The following CLMP variants were observed in gnomAD, a reference collection of about 807,000 sequenced individuals.
CLMP encodes CXADR like cell adhesion molecule.
CLMP carries 27 observed loss-of-function variants against 45.2 expected under a neutral mutation model. The observed-to-expected ratio is 0.60, with a 90% CI of 0.44 to 0.82. CLMP has a LOEUF of 0.82. CLMP is among the 40% of genes least tolerant of loss of function. The pLI is 0.00. For synonymous variants in CLMP, 167 were observed against 171.4 expected, an observed-to-expected ratio of 0.97 and a Z score of 0.20; for missense variants, 403 against 448.4, an observed-to-expected ratio of 0.90 and a Z score of 0.91.
intron 1 of CLMP, among the ~76,000 whole-genome samples, chr11:123,142,770 G>T (rs111303651): frequency 0.15 from 21,270 of 138,722 alleles, 1,936 homozygotes; most frequent in African/African-American, 0.17. Flanking sequence ...GGGACTACAG[G>T]CGCCCGCCAC....
At position 123,150,887 on chromosome 11, in the gene CLMP, G is replaced by A. The variant is rs569787445; in HGVS notation, c.28+44026C>T. Among the ~76,000 whole-genome samples, 41 of 152,204 alleles carry A rather than the reference G, an allele frequency of 2.7e-4. 1 individual carries two copies. The highest frequency in any genetic ancestry group is 2.1e-3 in the Admixed American group (32 of 15,292). ...ACATGCCACCACTCCTAGCATATTA[G>A]AGACGGGGTTTTGCCATGTTGTCCA... is the stretch of plus-strand genomic sequence containing the variant. On this transcript the variant is annotated intron_variant, in intron 1 of 6. Coordinates refer to ENST00000448775, the MANE Select transcript of CLMP (RefSeq NM_024769.5).
chr11:123,135,195 G>A (rs1861053599), intron 1 of CLMP, among the ~76,000 whole-genome samples: 1 of 150,122 alleles, frequency 6.7e-6, no homozygotes, highest in Admixed American at 6.7e-5. Context: ...GGGAGACAGA[G>A]GTTGCAGTGA....
chr11:123,090,794 A>G (rs576105727), intron 2 of CLMP, among the ~76,000 whole-genome samples: 3 of 152,302 alleles, frequency 2.0e-5, no homozygotes, highest in African/African-American at 7.2e-5. Flanking sequence ...GAAGCAGACA[A>G]ACTGGGAAAG....
intron 1 of CLMP, among the ~76,000 whole-genome samples, chr11:123,183,688 C>T (rs1487928287): frequency 6.6e-6 from 1 of 152,256 alleles, no homozygotes; most frequent in South Asian, 2.1e-4. Flanking sequence ...TCACTGTATG[C>T]GTGAAACAAA....
chr11:123,166,687 A>G (rs1040295935), intron 1 of CLMP, among the ~76,000 whole-genome samples: 7 of 152,206 alleles, frequency 4.6e-5, no homozygotes, highest in African/African-American at 1.7e-4. Flanking sequence ...TCTGCTGCCA[A>G]TAGGAGGAAA....
At chr11:123,135,286 T>C (rs1232691831) in intron 1 of CLMP, among the ~76,000 whole-genome samples, 1 of 128,718 alleles carries the variant, frequency 7.8e-6, no homozygotes, top group South Asian at 2.3e-4. Context: ...CCTGAGAAAA[T>C]TGTCAAATAT....
In CLMP at chr11:123,195,007, C is replaced by G; in HGVS notation, c.-67G>C. The G allele has an allele frequency of 1.9e-6, 3 of 1,542,356 alleles. No individual in the cohort carries two copies. In the South Asian group the frequency reaches 3.5e-5, roughly 18 times the overall value. ...TTGGCTCCGGGGCGGCCGGGCGCCT[C>G]CGACGGACCTCGGGCGAGCTGGGCG... On this transcript the variant is annotated 5_prime_UTR_variant, in exon 1 of 7. Coordinates refer to ENST00000448775, the MANE Select transcript of CLMP (RefSeq NM_024769.5).
At chr11:123,107,969 C>T (rs1007136790) in intron 1 of CLMP, among the ~76,000 whole-genome samples, 5 of 151,316 alleles carry the variant, frequency 3.3e-5, no homozygotes, top group African/African-American at 9.7e-5. Context: ...TCATTCCTGA[C>T]GAGCAATTAA....
chr11:123,073,691 G>A lies in CLMP; in HGVS notation c.905C>T (p.Ser302Phe). The A allele has an allele frequency of 1.9e-6, 3 of 1,614,230 alleles. No individual in the cohort carries two copies. Among genetic ancestry groups the A allele is most frequent in the Middle Eastern group, 1.7e-4 (1 of 6,054 alleles). Residue 302 changes from serine to phenylalanine, a missense_variant, in exon 7 of 7, where the codon TCC (serine) becomes TTC (phenylalanine). By Grantham distance (155) the Ser-to-Phe change is radical. Transcript: ENST00000448775. ...SGSRSSRSGS[S>F]STRSTANSAS... is the part of the protein sequence containing the mutation. ...ACTATTTGCTGTGGAGCGAGTGGAG[G>A]AAGAACCAGAGCGTGAGCTCCGAGA...
chr11:123,099,779 A>G (rs1340290400), intron 1 of CLMP, among the ~76,000 whole-genome samples: 1 of 152,160 alleles, frequency 6.6e-6, no homozygotes, highest in African/African-American at 2.4e-5. Flanking sequence ...ATTATGCGGG[A>G]AAAGTGAAGC....
chr11:123,116,965 T>C (rs1187238684), intron 1 of CLMP, among the ~76,000 whole-genome samples: 1 of 152,154 alleles, frequency 6.6e-6, no homozygotes, highest in Non-Finnish European at 1.5e-5. Context: ...ATAAAAGGTC[T>C]CAGCCAGGCA....
intron 1 of CLMP, among the ~76,000 whole-genome samples, chr11:123,150,535 A>AAGG (rs1308238390): frequency 2.2e-4 from 21 of 97,392 alleles, no homozygotes; most frequent in African/African-American, 8.0e-4. Context: ...AAGGAAAGAA[A>AAGG]CAAGCAAGGA....
chr11:123,192,543 T>C (rs537494936), intron 1 of CLMP, among the ~76,000 whole-genome samples: 4 of 152,014 alleles, frequency 2.6e-5, no homozygotes, highest in Non-Finnish European at 5.9e-5. Flanking sequence ...GGAGAGAAGT[T>C]AAGGTGGCAC....
chr11:123,084,662 T>C lies in CLMP; in HGVS notation c.238A>G (p.Lys80Glu). 1.2e-6 allele frequency: 2 copies of C among 1,614,154 alleles called. No individual in the cohort carries two copies. Among genetic ancestry groups the C allele is most frequent in the Non-Finnish European group, 1.7e-6 (2 of 1,179,996 alleles). Reference sequence around the variant, plus strand: ...TTGGAAGCAAAGGCCACTCGGCCCTTCTGTTCCTCAGTCAAGTTATTGTAG... The same window carrying C: ...TTGGAAGCAAAGGCCACTCGGCCCTCCTGTTCCTCAGTCAAGTTATTGTAG... Reference protein sequence around the residue: ...HVYNNLTEEQKGRVAFASNFL... With the variant: ...HVYNNLTEEQEGRVAFASNFL... Residue 80 changes from lysine to glutamate, a missense_variant, in exon 3 of 7, where the codon AAG becomes GAG. Physicochemically the swap from Lys to Glu is moderately conservative, Grantham distance 56. Transcript: ENST00000448775.
At chr11:123,136,398 G>A in intron 1 of CLMP, 2 of 512,212 alleles carry the variant, frequency 3.9e-6, no homozygotes, top group Non-Finnish European at 7.5e-6. Context: ...TACCGCCGGT[G>A]GCCAGTTCTA....
At chr11:123,128,931 T>A (rs563370744) in intron 1 of CLMP, among the ~76,000 whole-genome samples, 1 of 152,276 alleles carries the variant, frequency 6.6e-6, no homozygotes, top group Non-Finnish European at 1.5e-5. Context: ...AAACTGAGGC[T>A]TAGGGAAGTC....
chr11:123,075,533 C>G (rs1405361210), intron 5 of CLMP, among the ~76,000 whole-genome samples: 7 of 150,884 alleles, frequency 4.6e-5, no homozygotes, highest in Non-Finnish European at 1.0e-4. Context: ...ACTACAGACG[C>G]CCGCCACCAC....
chr11:123,091,040 CTATCTACTGTGGTACTGGAGTGATTCT>C (rs1865926655), intron 2 of CLMP, among the ~76,000 whole-genome samples: 1 of 152,142 alleles, frequency 6.6e-6, no homozygotes, highest in South Asian at 2.1e-4. Context: ...TCTTCAAGGC[CTATCTACTGTGGTACTGGAGTGATTCT>C]TTTCCTTCTT....
intron 1 of CLMP, among the ~76,000 whole-genome samples, chr11:123,173,134 T>C (rs1861657979): frequency 6.6e-6 from 1 of 152,200 alleles, no homozygotes. Context: ...TAAAAGCAGA[T>C]ATGGTTTGCT....
Sources: allele counts gnomAD v4.1 joint callset (sites outside exome capture counted in the v4.1 genomes callset), GRCh38; gene constraint gnomAD v4.1.1; transcripts MANE v1.5; gene names NCBI Gene and HGNC (gene_info 2026-07-23, HGNC 2026-07-21).